The following MXRA5 variants were observed in gnomAD, a reference collection of about 807,000 sequenced individuals.
MXRA5 encodes matrix-remodeling-associated protein 5.
In MXRA5, 41 loss-of-function variants were observed where a neutral mutation model predicts 112.5. The observed-to-expected ratio is 0.36, with a 90% CI of 0.28 to 0.47. The LOEUF is 0.47. Ranked by LOEUF, MXRA5 falls within the 20% of genes least tolerant of loss-of-function variation. MXRA5 has a pLI of 0.99. For missense variants in MXRA5, 2,150 were observed against 2,251.0 expected, an observed-to-expected ratio of 0.96 and a Z score of 0.91; for synonymous variants, 862 against 900.8, an observed-to-expected ratio of 0.96 and a Z score of 0.77.
Position 3,325,238 on chromosome X carries a change from C to T in MXRA5, c.710-263G>A, listed in dbSNP as rs756248208. ...AAAAATGTCTTAAAATACTTACTAACGGGTATTTAAAAAACATTTCTAAGT... is the reference window on the plus strand; with the variant it reads ...AAAAATGTCTTAAAATACTTACTAATGGGTATTTAAAAAACATTTCTAAGT... On this transcript the variant is annotated intron_variant, in intron 4 of 6. Coordinates refer to ENST00000217939, the MANE Select transcript of MXRA5 (RefSeq NM_015419.4). Among the ~76,000 whole-genome samples, 335 of 110,832 alleles carry T rather than the reference C, an allele frequency of 3.0e-3. 1 individual carries two copies. The highest frequency in any genetic ancestry group is 5.2e-3 in the Non-Finnish European group (276 of 53,005).
At chrX:3,333,797 C>T (rs1213668291) in intron 2 of MXRA5, among the ~76,000 whole-genome samples, 2 of 111,807 alleles carry the variant, frequency 1.8e-5, no homozygotes, top group Non-Finnish European at 3.8e-5. Context: ...CATGAACCTC[C>T]TCAGTGGGTA....
intron 6 of MXRA5, among the ~76,000 whole-genome samples, chrX:3,311,985 G>T (rs1412214478): frequency 2.7e-5 from 3 of 112,366 alleles, no homozygotes; most frequent in Non-Finnish European, 5.6e-5. Flanking sequence ...CAGTCATGGA[G>T]ATGGTGAAGA....
intron 4 of MXRA5, among the ~76,000 whole-genome samples, chrX:3,328,898 A>T (rs1921575945): frequency 1.1e-5 from 1 of 94,640 alleles, no homozygotes; most frequent in Admixed American, 1.2e-4. Flanking sequence ...GAAGGAAGGA[A>T]TGAAGGAAGG....
At chrX:3,344,492 G>C (rs1922061892) in intron 1 of MXRA5, among the ~76,000 whole-genome samples, 1 of 111,236 alleles carries the variant, frequency 9.0e-6, no homozygotes, top group South Asian at 3.8e-4. Flanking sequence ...GCTGTTAATC[G>C]GGGAGGAAGT....
intron 6 of MXRA5, among the ~76,000 whole-genome samples, chrX:3,316,432 AT>A (rs1410696975): frequency 9.5e-6 from 1 of 105,723 alleles, no homozygotes; most frequent in Non-Finnish European, 1.9e-5. Flanking sequence ...GGGCGGGAAG[AT>A]TGCTTGAGGT....
At chrX:3,327,124 C>G (rs1485617805) in intron 4 of MXRA5, among the ~76,000 whole-genome samples, 11 of 111,272 alleles carry the variant, frequency 9.9e-5, no homozygotes. Context: ...TACTTCTGCC[C>G]GTTCCCATTG....
chrX:3,331,385 G>T (rs1921660241), intron 2 of MXRA5, among the ~76,000 whole-genome samples: 1 of 112,230 alleles, frequency 8.9e-6, no homozygotes, highest in Non-Finnish European at 1.9e-5. Context: ...GCTATTTGGT[G>T]TGTCCATCAG....
chrX:3,313,008 T>C (rs1230224951), intron 6 of MXRA5, among the ~76,000 whole-genome samples: 2 of 112,414 alleles, frequency 1.8e-5, no homozygotes, highest in Non-Finnish European at 3.8e-5. Flanking sequence ...TTGTGGGCCA[T>C]GAGTGAGAAT....
rs1162141680 is a variant in MXRA5, at chrX:3,324,405, G to A, written c.1280C>T (p.Ala427Val). The A allele has an allele frequency of 1.7e-6, 2 of 1,209,586 alleles. No individual in the cohort carries two copies. The highest frequency in any genetic ancestry group is 1.8e-5 in the African/African-American group (1 of 57,087). ...YYTGVRAQIL[A>V]EPEWVMQPSI... ...TGGCTGCATGACCCATTCTGGTTCT[G>A]CAAGAATCTGGGCTCTCACACCTGT... Residue 427 changes from alanine (A) to valine (V), a missense_variant, in exon 5 of 7, where the codon GCA becomes GTA. Physicochemically the swap from Ala to Val is moderately conservative, Grantham distance 64. Around this residue, in one of 6 missense-constraint regions of MXRA5, gnomAD observed 386 missense variants for 411.0 expected, o/e 0.94. Coordinates refer to ENST00000217939, the MANE Select transcript of MXRA5 (RefSeq NM_015419.4).
intron 2 of MXRA5, among the ~76,000 whole-genome samples, chrX:3,343,248 C>T (rs1456059227): frequency 8.9e-6 from 1 of 112,449 alleles, no homozygotes; most frequent in Non-Finnish European, 1.9e-5. Flanking sequence ...CACAGATGTT[C>T]TGCTTATTTT....
Position 3,309,884 on chromosome X carries a change from C to A in MXRA5, c.8319G>T (p.Ser2773=). Reference sequence around the variant, plus strand: ...GAGCCTGAACCCCTGCCTTCAGATGCGACTTATCCGGTAACTCCCACGTGA... The same window carrying A: ...GAGCCTGAACCCCTGCCTTCAGATGAGACTTATCCGGTAACTCCCACGTGA... ...ADITWELPDK[S]HLKAGVQARL... Residue 2773 remains serine (S), a synonymous_variant, in exon 7 of 7, where the codon TCG becomes TCT. Transcript: ENST00000217939. 1 of 1,211,578 alleles carries A rather than the reference C, an allele frequency of 8.3e-7. No individual in the cohort carries two copies. Among genetic ancestry groups the A allele is most frequent in the Non-Finnish European group, 1.1e-6 (1 of 895,487 alleles).
chrX:3,342,586 G>A lies in MXRA5; in HGVS notation c.188+1060C>T, dbSNP rs760760123. Reference sequence around the variant, plus strand: ...GATGGTCAACTCATAAAGTCTAACAGCATTTCATTGAGAAACCTATTTAAT... The same window carrying A: ...GATGGTCAACTCATAAAGTCTAACAACATTTCATTGAGAAACCTATTTAAT... On this transcript the variant is annotated intron_variant, in intron 2 of 6. Transcript: ENST00000217939. Among the ~76,000 whole-genome samples, 4 of 111,894 alleles carry A rather than the reference G, an allele frequency of 3.6e-5. No homozygotes were observed. The Admixed American group carries it at 3.8e-4, about 11-fold the overall frequency.
chrX:3,326,023 T>TTTTATATATAAATTTATATATAAATATA (rs1921475292), intron 4 of MXRA5, among the ~76,000 whole-genome samples: 3 of 43,134 alleles, frequency 7.0e-5, no homozygotes, highest in Non-Finnish European at 1.3e-4. Flanking sequence ...TTTATATGTA[T>TTTTATATATAAATTTATATATAAATATA]TTTATATATA....
chrX:3,323,548 TC>T lies in MXRA5; in HGVS notation c.2136del (p.Arg713AspfsTer32). The T allele has an allele frequency of 8.3e-7, 1 of 1,211,109 alleles. No homozygotes were observed. The highest frequency in any genetic ancestry group is 1.1e-6 in the Non-Finnish European group (1 of 895,254). ...TCTTGGTCCTTTGGATGCAGAAGTCTCCTTGAAGTGTTCTCTTCATCTCCCA... is the reference window on the plus strand; with the variant it reads ...TCTTGGTCCTTTGGATGCAGAAGTCTCTTGAAGTGTTCTCTTCATCTCCCA... ...SGMGDEENTS[R>X]RLLHPKDQEV... On this transcript the variant is annotated frameshift_variant, in exon 5 of 7. Transcript: ENST00000217939. LOFTEE classifies it high-confidence loss of function.
In MXRA5 at chrX:3,321,773, T is replaced by A. The variant is rs1197049066; in HGVS notation, c.3912A>T (p.Ser1304=). The A allele has an allele frequency of 8.3e-7, 1 of 1,210,805 alleles. No homozygotes were observed. Residue 1304 remains serine, a synonymous_variant, in exon 5 of 7, where the codon TCA becomes TCT. Transcript: ENST00000217939. ...GTGTCTCTTGGACTTTAGGGTAAGA[T>A]GAATATATTTTTCTGGTGGTTGTCA... The part of the protein sequence containing the change: ...DYMTTTRKIY[S]SYPKVQETLP...
intron 2 of MXRA5, among the ~76,000 whole-genome samples, chrX:3,333,842 T>C (rs960958139): frequency 1.8e-5 from 2 of 111,881 alleles, no homozygotes; most frequent in African/African-American, 6.5e-5. Flanking sequence ...GGTGCATTTT[T>C]TCCAATCATG....
chrX:3,316,961 C>A, intron 6 of MXRA5, 142 bp downstream of exon 6: 4 of 721,738 alleles, frequency 5.5e-6, no homozygotes, highest in Non-Finnish European at 5.8e-6. Flanking sequence ...CAGGCGTGAG[C>A]CACCGTGCCC....
chrX:3,322,338 G>A lies in MXRA5; in HGVS notation c.3347C>T (p.Thr1116Ile), dbSNP rs1195829608. 1 of 1,211,511 alleles carries A rather than the reference G, an allele frequency of 8.3e-7. No individual in the cohort carries two copies. Among genetic ancestry groups the A allele is most frequent in the South Asian group, 1.8e-5 (1 of 56,924 alleles). Reference sequence around the variant, plus strand: ...GTCTTTGTCTAGGAGGGTACCAACTGTGGTTTCCGCAGGCTTCTTAACTGG... The same window carrying A: ...GTCTTTGTCTAGGAGGGTACCAACTATGGTTTCCGCAGGCTTCTTAACTGG... ...MSPVKKPAETTVGTLLDKDTT... is the reference protein window; with the variant it reads ...MSPVKKPAETIVGTLLDKDTT... The change falls in exon 5 of 7, where the codon ACA becomes ATA. Residue 1116 changes from threonine to isoleucine, a missense_variant. This residue lies in a region of MXRA5 where 1,485 missense variants were observed against 1,471.6 expected (regional missense o/e 1.01). Coordinates refer to ENST00000217939, the MANE Select transcript of MXRA5 (RefSeq NM_015419.4).
At chrX:3,311,681 C>T in intron 6 of MXRA5, 57 bp from the exon 7 acceptor site, 2 of 1,010,728 alleles carry the variant, frequency 2.0e-6, no homozygotes, top group South Asian at 4.2e-5. Flanking sequence ...TCTAGTGTGG[C>T]ATTAGGTCGC....
Sources: gnomAD v4.1 joint callset for allele counts (sites outside exome capture counted in the v4.1 genomes callset) on GRCh38, gnomAD v4.1.1 for gene constraint, gnomAD v4.1.1 regional missense constraint, MANE v1.5 for transcripts, NCBI Gene and HGNC (gene_info 2026-07-23, HGNC 2026-07-21) for gene names.